The following ACSM6 variants were observed in gnomAD, a reference collection of about 807,000 sequenced individuals.
ACSM6 encodes acyl-coenzyme A synthetase ACSM6, mitochondrial.
In ACSM6, 35 loss-of-function variants were observed where a neutral mutation model predicts 51.1. That is an observed-to-expected ratio of 0.69 (90% CI 0.52 to 0.91). The LOEUF (loss-of-function observed/expected upper bound fraction) is 0.91, where lower values mean the gene tolerates loss of function less well. Ranked by LOEUF, ACSM6 falls within the 40% of genes least tolerant of loss-of-function variation. The pLI is 0.00. For missense variants in ACSM6, 509 were observed against 584.1 expected, an observed-to-expected ratio of 0.87 and a Z score of 1.32; for synonymous variants, 172 against 207.3, an observed-to-expected ratio of 0.83 and a Z score of 1.46.
chr10:95,202,726 C>A (rs753090344), intron 3 of ACSM6, among the ~76,000 whole-genome samples: 1 of 151,744 alleles, frequency 6.6e-6, no homozygotes, highest in African/African-American at 2.4e-5. Flanking sequence ...AAGTTTGAGA[C>A]CAGCCTGGGA....
intron 2 of ACSM6, chr10:95,201,584 A>T (rs759052663): frequency 1.1e-5 from 5 of 456,958 alleles, no homozygotes; most frequent in South Asian, 7.8e-5. Flanking sequence ...TGATTCCATC[A>T]CTTTGCTATT....
chr10:95,213,018 G>A, intron 7 of ACSM6, 78 bp downstream of exon 7: 1 of 1,233,304 alleles, frequency 8.1e-7, no homozygotes, highest in Non-Finnish European at 1.2e-6. Flanking sequence ...TTAATTTGTT[G>A]AAGTAGATCC....
At chr10:95,216,621 G>A (rs2034947587) in intron 8 of ACSM6, among the ~76,000 whole-genome samples, 1 of 152,154 alleles carries the variant, frequency 6.6e-6, no homozygotes, top group Non-Finnish European at 1.5e-5. Flanking sequence ...CAAGGGAATT[G>A]CACATAGCGT....
At chr10:95,207,336 G>C (rs142070122) in exon 4 of ACSM6, 1 of 1,614,008 alleles carries the variant, frequency 6.2e-7, no homozygotes, top group African/African-American at 1.3e-5. Flanking sequence ...TGCCGTGTCC[G>C]ACTGCCCCAC....
At chr10:95,210,159 T>A (rs2034879616) in intron 4 of ACSM6, among the ~76,000 whole-genome samples, 1 of 152,250 alleles carries the variant, frequency 6.6e-6, no homozygotes, top group Non-Finnish European at 1.5e-5. Context: ...CTACTGAATT[T>A]GCTGGTATCC....
At chr10:95,216,426 G>A (rs529479950) in intron 8 of ACSM6, among the ~76,000 whole-genome samples, 2 of 152,262 alleles carry the variant, frequency 1.3e-5, no homozygotes, top group East Asian at 3.9e-4. Flanking sequence ...ACTGGGGGTA[G>A]AACTGATCAT....
chr10:95,202,156 C>T (rs2034800975), exon 3 of ACSM6: 7 of 1,552,256 alleles, frequency 4.5e-6, no homozygotes, highest in Non-Finnish European at 6.1e-6. Flanking sequence ...GCCCCCAACA[C>T]CTGAAGCCTA....
intron 3 of ACSM6, among the ~76,000 whole-genome samples, chr10:95,205,671 G>T (rs1410828495): frequency 6.6e-6 from 1 of 152,168 alleles, no homozygotes; most frequent in Admixed American, 6.5e-5. Flanking sequence ...GTGGTCAATG[G>T]CCTTAATGTA....
chr10:95,210,510 C>A, intron 4 of ACSM6, 140 bp from the exon 5 acceptor site: 1 of 870,578 alleles, frequency 1.1e-6, no homozygotes, highest in Non-Finnish European at 1.6e-6. Flanking sequence ...TGGCAGCTGC[C>A]CCTCTAACAA....
chr10:95,217,418 G>T (rs572242162), intron 8 of ACSM6, among the ~76,000 whole-genome samples: 1 of 151,984 alleles, frequency 6.6e-6, no homozygotes, highest in South Asian at 2.1e-4. Flanking sequence ...CTGCCAGATG[G>T]TCCATAAAAT....
At chr10:95,200,694 GAAGA>G (rs374403066) in intron 2 of ACSM6, among the ~76,000 whole-genome samples, 10 of 151,890 alleles carry the variant, frequency 6.6e-5, no homozygotes, top group African/African-American at 2.4e-4. Flanking sequence ...GAGAAAAAGA[GAAGA>G]AAGGCAAGAG....
At chr10:95,211,417 G>A (rs2034891571) in intron 5 of ACSM6, among the ~76,000 whole-genome samples, 2 of 152,164 alleles carry the variant, frequency 1.3e-5, no homozygotes, top group African/African-American at 4.8e-5. Context: ...GTTGTGTGTT[G>A]TTACTCCACC....
intron 3 of ACSM6, among the ~76,000 whole-genome samples, chr10:95,206,751 A>G (rs1675033749): frequency 6.6e-6 from 1 of 152,182 alleles, no homozygotes; most frequent in African/African-American, 2.4e-5. Flanking sequence ...ATGGATGCAG[A>G]AGAATCTATA....
At chr10:95,211,933 G>T in exon 6 of ACSM6, 1 of 1,613,822 alleles carries the variant, frequency 6.2e-7, no homozygotes, top group South Asian at 1.1e-5. Flanking sequence ...TGATGCCTTT[G>T]GTGGATCTTT....
intron 3 of ACSM6, among the ~76,000 whole-genome samples, chr10:95,203,634 T>C (rs1489941724): frequency 6.6e-6 from 1 of 152,058 alleles, no homozygotes; most frequent in African/African-American, 2.4e-5. Context: ...CAAGAGCCCC[T>C]TCACATGTGA....
intron 10 of ACSM6, 25 bp from the exon 11 acceptor site, chr10:95,228,619 G>A (rs1445925351): frequency 6.5e-7 from 1 of 1,546,580 alleles, no homozygotes. Context: ...GTAAATGTAG[G>A]TTTCTGGATT....
chr10:95,199,632 A>G (rs923523771), intron 2 of ACSM6, among the ~76,000 whole-genome samples: 7 of 152,336 alleles, frequency 4.6e-5, no homozygotes, highest in African/African-American at 1.7e-4. Flanking sequence ...CAGAATCTAC[A>G]ATGAACTCAA....
chr10:95,212,132 A>G (rs2034899225), intron 6 of ACSM6, 98 bp downstream of exon 6: 1 of 1,438,248 alleles, frequency 7.0e-7, no homozygotes, highest in Admixed American at 1.9e-5. Context: ...GCAAATCAAG[A>G]GTTAAATTTG....
intron 10 of ACSM6, chr10:95,228,298 C>T (rs1020197996): frequency 5.6e-6 from 1 of 179,762 alleles, no homozygotes; most frequent in Non-Finnish European, 1.2e-5. Flanking sequence ...GATGATGAGC[C>T]TGAGAAAATA....
Sources: allele counts gnomAD v4.1 joint callset (sites outside exome capture counted in the v4.1 genomes callset), GRCh38; gene constraint gnomAD v4.1.1; transcripts MANE v1.5; gene names NCBI Gene and HGNC (gene_info 2026-07-23, HGNC 2026-07-21).